Variants in SIK3 observed in about 807,000 individuals in gnomAD.
SIK3 encodes the protein serine/threonine-protein kinase SIK3.
A neutral mutation model predicts 144.2 loss-of-function variants in SIK3; 28 were observed. That is an observed-to-expected ratio of 0.19 (90% confidence interval 0.14 to 0.27). The LOEUF (loss-of-function observed/expected upper bound fraction) is 0.27, where lower values mean the gene tolerates loss of function less well. Among genes scored for constraint, SIK3 ranks in the 10% least tolerant of loss-of-function variants. The pLI is 1.00. For missense variants in SIK3, 1,319 were observed against 1,776.0 expected (o/e 0.74, Z 4.62); for synonymous variants, 686 against 676.3 (o/e 1.01, Z -0.22).
chr11:116,977,943 G>A (rs957212177), intron 1 of SIK3, among the ~76,000 whole-genome samples: 1 of 152,230 alleles, frequency 6.6e-6, no homozygotes, highest in Non-Finnish European at 1.5e-5. Context: ...TGCAAGCCGG[G>A]TGCGGTGGCT....
chr11:116,899,512 T>C (rs1400126885), intron 4 of SIK3, among the ~76,000 whole-genome samples: 1 of 152,206 alleles, frequency 6.6e-6, no homozygotes, highest in Non-Finnish European at 1.5e-5. Context: ...CAAAGTGACA[T>C]TATTATAATT....
intron 6 of SIK3, among the ~76,000 whole-genome samples, chr11:116,889,294 T>C (rs1591233884): frequency 6.6e-6 from 1 of 152,236 alleles, no homozygotes; most frequent in East Asian, 1.9e-4. Flanking sequence ...TTGCGTATGC[T>C]GGCTTCTGCC....
At chr11:116,950,222 G>A (rs368799963) in intron 3 of SIK3, 14 of 460,130 alleles carry the variant, frequency 3.0e-5, no homozygotes, top group East Asian at 1.4e-4. Context: ...TAGGCAGCTC[G>A]GGGCAGAATG....
intron 1 of SIK3, among the ~76,000 whole-genome samples, chr11:117,029,893 G>A (rs905156262): frequency 6.6e-6 from 1 of 151,786 alleles, no homozygotes; most frequent in Non-Finnish European, 1.5e-5. Context: ...ATGGGATTTA[G>A]GAGTCATTAT....
At chr11:116,908,171 G>T (rs1196383912) in intron 4 of SIK3, among the ~76,000 whole-genome samples, 1 of 152,144 alleles carries the variant, frequency 6.6e-6, no homozygotes, top group Non-Finnish European at 1.5e-5. Flanking sequence ...GAGGATATTT[G>T]TAACTTATAA....
intron 4 of SIK3, among the ~76,000 whole-genome samples, chr11:116,912,653 G>A (rs145807556): frequency 6.6e-6 from 1 of 152,146 alleles, no homozygotes; most frequent in African/African-American, 2.4e-5. Flanking sequence ...GGAGCAGAGG[G>A]GAAAAAGTGA....
At chr11:116,921,644 C>T (rs1376273595) in intron 4 of SIK3, among the ~76,000 whole-genome samples, 2 of 152,146 alleles carry the variant, frequency 1.3e-5, no homozygotes, top group Non-Finnish European at 2.9e-5. Context: ...GCTGAGATTA[C>T]GGGCATGAGC....
At chr11:116,879,033 GTCTT>G (rs1295204301) in intron 6 of SIK3, among the ~76,000 whole-genome samples, 24 of 152,162 alleles carry the variant, frequency 1.6e-4, no homozygotes, top group Admixed American at 9.8e-4. Context: ...CAAGGCCCAT[GTCTT>G]TCTTTCTGTT....
At chr11:116,920,280 A>T (rs1244045787) in intron 4 of SIK3, among the ~76,000 whole-genome samples, 2 of 150,712 alleles carry the variant, frequency 1.3e-5, no homozygotes, top group Non-Finnish European at 3.0e-5. Context: ...GGCCTTTGCC[A>T]TCTCTCTCAC....
At chr11:116,847,913 G>A (rs1036936283) in intron 22 of SIK3, among the ~76,000 whole-genome samples, 1 of 152,142 alleles carries the variant, frequency 6.6e-6, no homozygotes, top group Non-Finnish European at 1.5e-5. Context: ...ATCTCCACTG[G>A]GACTTTGTCT....
Position 117,084,265 on chromosome 11 carries a change from T to C in SIK3, c.273+13878A>G, listed in dbSNP as rs1317498687. Among the ~76,000 whole-genome samples, 3 of 152,172 alleles carry C rather than the reference T, an allele frequency of 2.0e-5. No homozygotes were observed. In the East Asian group the frequency reaches 5.8e-4, roughly 29 times the overall value. ...TCCCATTATTAAGTTTTTTGGTTTT[T>C]TTGTGGTTGGTTTGTTTGAGATGGA... On this transcript the variant is annotated intron_variant, in intron 1 of 24. Coordinates refer to ENST00000445177, the MANE Select transcript of SIK3 (RefSeq NM_001366686.3).
chr11:116,949,343 A>C (rs1307865027), intron 3 of SIK3, among the ~76,000 whole-genome samples: 10 of 152,160 alleles, frequency 6.6e-5, no homozygotes, highest in Admixed American at 6.5e-4. Flanking sequence ...TTTTGCTAGG[A>C]CTTTCTTCCT....
chr11:116,972,481 A>G (rs1456681910), intron 1 of SIK3, among the ~76,000 whole-genome samples: 8 of 152,198 alleles, frequency 5.3e-5, no homozygotes, highest in Admixed American at 4.6e-4. Flanking sequence ...CCCAGCTGGT[A>G]TGCTGCATTG....
rs541420518 is a variant in SIK3, at chr11:116,878,672, G to A, written c.866-1630C>T. 3.9e-5 allele frequency among the ~76,000 whole-genome samples: 6 copies of A among 152,272 alleles called. No individual in the cohort carries two copies. In the South Asian group the frequency reaches 8.3e-4, roughly 21 times the overall value. On this transcript the variant is annotated intron_variant, in intron 6 of 24. Transcript: ENST00000445177. ...TGGGATTACAGGCGTGAGCCACCGC[G>A]CTTGGCCCCCTACTTCCCTCTCTGA...
intron 1 of SIK3, among the ~76,000 whole-genome samples, chr11:117,061,102 T>C (rs760842284): frequency 6.6e-6 from 1 of 151,876 alleles, no homozygotes; most frequent in Non-Finnish European, 1.5e-5. Flanking sequence ...TAAAAATTAG[T>C]TGGGCATGGT....
chr11:117,049,295 C>T (rs186846536), intron 1 of SIK3, among the ~76,000 whole-genome samples: 12 of 151,956 alleles, frequency 7.9e-5, no homozygotes, highest in African/African-American at 2.4e-4. Context: ...AGATACTTTC[C>T]ATCTGGACGC....
chr11:116,919,708 G>C (rs962863001), intron 4 of SIK3, among the ~76,000 whole-genome samples: 1 of 152,032 alleles, frequency 6.6e-6, no homozygotes, highest in Non-Finnish European at 1.5e-5. Flanking sequence ...AATTACTTTC[G>C]AATAGCAATA....
rs372406761 is a variant in SIK3, at chr11:116,861,406, C to G, written c.2316-23G>C. ...AACCTTAAAAATAACAAAAGAGATA[C>G]ACAAAGAAGCTTCCTAAGGTGACAG... On this transcript the variant is annotated intron_variant, in intron 18 of 24. Transcript: ENST00000445177. 4.5e-3 allele frequency: 6,833 copies of G among 1,513,820 alleles called. 25 individuals are homozygous for G. The highest frequency in any genetic ancestry group is 5.1e-3 in the Non-Finnish European group (5,544 of 1,097,614). 93.8% of individuals were successfully genotyped at this position (1,513,820 alleles called of 1,614,324 possible).
intron 1 of SIK3, among the ~76,000 whole-genome samples, chr11:117,028,636 G>GA (rs138648897): frequency 3.7e-4 from 54 of 146,082 alleles, no homozygotes; most frequent in African/African-American, 8.8e-4. Context: ...GCATGTCAAG[G>GA]AAAAAAAAAA....
Sources: allele counts gnomAD v4.1 joint callset (sites outside exome capture counted in the v4.1 genomes callset), GRCh38; gene constraint gnomAD v4.1.1; transcripts MANE v1.5; gene names NCBI Gene and HGNC (gene_info 2026-07-23, HGNC 2026-07-21).